LRRC7: variants seen among roughly 807,000 people sequenced by gnomAD.
The protein encoded by LRRC7 is leucine-rich repeat-containing protein 7.
A neutral mutation model predicts 175.7 loss-of-function variants in LRRC7; 23 were observed. The observed-to-expected ratio is 0.13, with a 90% CI of 0.09 to 0.19. The LOEUF (loss-of-function observed/expected upper bound fraction) is 0.19, where lower values mean the gene tolerates loss of function less well. LRRC7 is among the 10% of genes least tolerant of loss of function. The pLI is 1.00. For synonymous variants in LRRC7, 685 were observed against 680.9 expected (o/e 1.01, Z -0.09); for missense variants, 1,354 against 1,904.7 (o/e 0.71, Z 5.38).
chr1:69,571,071 A>C (rs1645720801), intron 1 of LRRC7, among the ~76,000 whole-genome samples: 1 of 152,226 alleles, frequency 6.6e-6, no homozygotes, highest in Non-Finnish European at 1.5e-5. Context: ...CATCATACTA[A>C]TATGTAATGA....
At chr1:69,636,163 TC>T (rs906343459) in intron 1 of LRRC7, among the ~76,000 whole-genome samples, 1 of 151,988 alleles carries the variant, frequency 6.6e-6, no homozygotes, top group African/African-American at 2.4e-5. Context: ...GTTTTATATT[TC>T]TTGAAAAAAG....
At chr1:69,802,909 T>C (rs1187403404) in intron 4 of LRRC7, among the ~76,000 whole-genome samples, 1 of 151,434 alleles carries the variant, frequency 6.6e-6, no homozygotes, top group African/African-American at 2.4e-5. Context: ...AAACTGTTTG[T>C]TTTTCTTTTC....
intron 1 of LRRC7, among the ~76,000 whole-genome samples, chr1:69,653,290 T>TA (rs58282014): frequency 0.066 from 10,003 of 150,928 alleles, 340 homozygotes; most frequent in South Asian, 0.1. Flanking sequence ...AAACTTTTTT[T>TA]TAATTTTTTT....
At chr1:69,820,224 T>A (rs958051402) in intron 4 of LRRC7, among the ~76,000 whole-genome samples, 1 of 152,138 alleles carries the variant, frequency 6.6e-6, no homozygotes. Context: ...ACCATGGGGC[T>A]ACATTATAAC....
intron 4 of LRRC7, among the ~76,000 whole-genome samples, chr1:69,808,037 T>G (rs533925338): frequency 6.6e-6 from 1 of 151,916 alleles, no homozygotes; most frequent in South Asian, 2.1e-4. Flanking sequence ...CATGATTTAC[T>G]TCATTAAGTC....
At chr1:69,573,904 G>T (rs372286443) in intron 1 of LRRC7, among the ~76,000 whole-genome samples, 15 of 152,078 alleles carry the variant, frequency 9.9e-5, no homozygotes, top group African/African-American at 3.4e-4. Context: ...TTTAACAATG[G>T]AGCAGTTGTT....
At chr1:70,096,982 TTATCCTCC>T (rs1376927019) in intron 25 of LRRC7, among the ~76,000 whole-genome samples, 1 of 152,226 alleles carries the variant, frequency 6.6e-6, no homozygotes, top group African/African-American at 2.4e-5. Flanking sequence ...TGTGGCATAA[TTATCCTCC>T]TTTAAATACA....
chr1:70,020,160 T>C (rs1012576071), intron 15 of LRRC7, among the ~76,000 whole-genome samples: 18 of 152,082 alleles, frequency 1.2e-4, no homozygotes, highest in Non-Finnish European at 2.5e-4. Flanking sequence ...GGCAGGAGTG[T>C]AATAAATGAG....
chr1:69,924,999 T>G (rs905714938), intron 7 of LRRC7, among the ~76,000 whole-genome samples: 1 of 152,176 alleles, frequency 6.6e-6, no homozygotes, highest in African/African-American at 2.4e-5. Context: ...ATTGAGAGTT[T>G]TTAGCATGAA....
chr1:69,698,278 C>T (rs1294934982), intron 2 of LRRC7, among the ~76,000 whole-genome samples: 1 of 152,198 alleles, frequency 6.6e-6, no homozygotes, highest in Non-Finnish European at 1.5e-5. Context: ...ATAAGACTTG[C>T]ATATATTCAA....
chr1:69,706,224 C>T (rs1248781247), intron 2 of LRRC7, among the ~76,000 whole-genome samples: 1 of 152,112 alleles, frequency 6.6e-6, no homozygotes, highest in Non-Finnish European at 1.5e-5. Flanking sequence ...TTCAACTTTA[C>T]TGATTCCATT....
At chr1:70,046,297 G>C (rs2102047417) in intron 22 of LRRC7, among the ~76,000 whole-genome samples, 1 of 152,006 alleles carries the variant, frequency 6.6e-6, no homozygotes, top group African/African-American at 2.4e-5. Context: ...ATGTCATTTG[G>C]GGTACCCTAG....
intron 4 of LRRC7, among the ~76,000 whole-genome samples, chr1:69,819,052 A>G (rs993157503): frequency 6.6e-5 from 10 of 151,984 alleles, no homozygotes; most frequent in African/African-American, 2.4e-4. Context: ...AGTTTCATTG[A>G]TCTTTTCTGA....
chr1:69,723,799 C>T (rs1666628514), intron 2 of LRRC7, among the ~76,000 whole-genome samples: 1 of 152,074 alleles, frequency 6.6e-6, no homozygotes, highest in African/African-American at 2.4e-5. Context: ...GCTGTGCTCT[C>T]ACTGTAACCT....
At position 70,132,058 on chromosome 1, in the gene LRRC7, G is replaced by C. The variant is rs375559019; in HGVS notation, c.*10171G>C. 6.6e-5 allele frequency: 10 copies of C among 152,194 alleles called. No homozygotes were observed. The highest frequency in any genetic ancestry group is 2.4e-4 in the African/African-American group (10 of 41,444). The allele number at this position is 152,194 out of a possible 1,614,324, so 9.4% of individuals were successfully genotyped here. A position where few individuals can be genotyped will look rare whatever the true frequency, so the allele number is the denominator to read the frequency against. On this transcript the variant is annotated 3_prime_UTR_variant, in exon 27 of 27. Transcript: ENST00000651989. Reference sequence around the variant, plus strand: ...TGAGAAAGACAAAAGAAGGGCAATAGAGGACTGATACAGAGAATCAGAGAG... The same window carrying C: ...TGAGAAAGACAAAAGAAGGGCAATACAGGACTGATACAGAGAATCAGAGAG...
chr1:69,877,564 C>G (rs1686155483), intron 7 of LRRC7, among the ~76,000 whole-genome samples: 1 of 152,054 alleles, frequency 6.6e-6, no homozygotes, highest in Non-Finnish European at 1.5e-5. Context: ...ATTTTTAATA[C>G]ATTTATAGAG....
At chr1:69,835,249 T>C (rs1016370999) in intron 6 of LRRC7, among the ~76,000 whole-genome samples, 5 of 151,768 alleles carry the variant, frequency 3.3e-5, no homozygotes, top group Admixed American at 1.3e-4. Flanking sequence ...CTAAATACTT[T>C]TAACATAAAG....
intron 1 of LRRC7, among the ~76,000 whole-genome samples, chr1:69,594,973 A>G (rs552337846): frequency 6.6e-6 from 1 of 152,162 alleles, no homozygotes; most frequent in African/African-American, 2.4e-5. Context: ...CATACATAGA[A>G]GATGACATTA....
intron 3 of LRRC7, among the ~76,000 whole-genome samples, chr1:69,783,753 CA>C (rs10712087): frequency 0.12 from 10,366 of 83,318 alleles, 137 homozygotes; most frequent in African/African-American, 0.14. Flanking sequence ...CTCCCCATCT[CA>C]AAAAAAAAAA....
Sources: gnomAD v4.1 joint callset for allele counts (sites outside exome capture counted in the v4.1 genomes callset) on GRCh38, gnomAD v4.1.1 for gene constraint, MANE v1.5 for transcripts, NCBI Gene and HGNC (gene_info 2026-07-23, HGNC 2026-07-21) for gene names.